SLCO2A1: variants seen among roughly 807,000 people sequenced by gnomAD.
The protein encoded by SLCO2A1 is matrin F/G 1.
Under a neutral mutation model 71.7 loss-of-function variants are expected in SLCO2A1, and 60 were observed. The ratio of observed to expected loss-of-function variants is 0.84; its 90% CI spans 0.68 to 1.04. The LOEUF (loss-of-function observed/expected upper bound fraction) is 1.04, where lower values mean the gene tolerates loss of function less well. Ranked by LOEUF, SLCO2A1 falls within the 50% of genes least tolerant of loss-of-function variation. The probability of loss-of-function intolerance (pLI) is 0.00; values close to 1 mark genes in which losing one functional copy is unlikely to be tolerated. For missense variants in SLCO2A1, 745 were observed against 813.4 expected (o/e 0.92, Z 1.02); for synonymous variants, 308 against 326.7 (o/e 0.94, Z 0.62).
chr3:133,989,321 C>T (rs1934785983), intron 1 of SLCO2A1, among the ~76,000 whole-genome samples: 1 of 152,198 alleles, frequency 6.6e-6, no homozygotes, highest in Admixed American at 6.5e-5. Context: ...TGTTTCATTC[C>T]TTTGGTACTT....
At chr3:134,004,092 TCGTGTGTGTGTGTGTG>T (rs1343864899) in intron 1 of SLCO2A1, among the ~76,000 whole-genome samples, 1 of 126,796 alleles carries the variant, frequency 7.9e-6, no homozygotes, top group Non-Finnish European at 1.6e-5. Flanking sequence ...ATGAATCTCT[TCGTGTGTGTGTGTGTG>T]TGTGTGTGTG....
chr3:133,978,779 C>T (rs554196236), intron 2 of SLCO2A1, among the ~76,000 whole-genome samples: 130 of 152,320 alleles, frequency 8.5e-4, no homozygotes, highest in African/African-American at 2.8e-3. Context: ...AGGGGTTCTG[C>T]TGCCTCCGCT....
intron 1 of SLCO2A1, among the ~76,000 whole-genome samples, chr3:134,020,576 G>A (rs1020866770): frequency 2.0e-5 from 3 of 152,230 alleles, no homozygotes; most frequent in South Asian, 2.1e-4. Flanking sequence ...GGTTTTCACC[G>A]GTCTGGACAT....
At chr3:134,014,451 C>G (rs932569652) in intron 1 of SLCO2A1, among the ~76,000 whole-genome samples, 2 of 152,188 alleles carry the variant, frequency 1.3e-5, no homozygotes, top group African/African-American at 2.4e-5. Context: ...TTCATCTCCA[C>G]CCCTGGGCAA....
intron 13 of SLCO2A1, 133 bp downstream of exon 13, chr3:133,935,641 G>A (rs1204988311): frequency 1.6e-5 from 17 of 1,050,444 alleles, no homozygotes; most frequent in Non-Finnish European, 1.3e-6. Flanking sequence ...CCATGGCAGG[G>A]CCGCAGAGGT....
chr3:133,982,316 A>G (rs1934613908), intron 1 of SLCO2A1, among the ~76,000 whole-genome samples: 1 of 151,696 alleles, frequency 6.6e-6, no homozygotes, highest in Non-Finnish European at 1.5e-5. Flanking sequence ...CTGCCTGTAG[A>G]CCCCTTCTCT....
chr3:133,938,329 G>T, intron 12 of SLCO2A1, 100 bp downstream of exon 12: 1 of 1,011,828 alleles, frequency 9.9e-7, no homozygotes, highest in Middle Eastern at 2.2e-4. Flanking sequence ...TCGCCATGGA[G>T]ATGAGATGGT....
At chr3:133,971,704 C>T (rs1186143323) in intron 3 of SLCO2A1, among the ~76,000 whole-genome samples, 1 of 152,202 alleles carries the variant, frequency 6.6e-6, no homozygotes, top group African/African-American at 2.4e-5. Flanking sequence ...CCTGGGGGCT[C>T]ATTTAACCTC....
chr3:133,958,904 C>T (rs997654419), intron 3 of SLCO2A1, among the ~76,000 whole-genome samples: 13 of 152,286 alleles, frequency 8.5e-5, no homozygotes, highest in Admixed American at 2.0e-4. Flanking sequence ...CCATTCCCCT[C>T]GGTGTGACAG....
intron 1 of SLCO2A1, among the ~76,000 whole-genome samples, chr3:133,980,762 C>A (rs960470272): frequency 3.9e-5 from 6 of 152,228 alleles, no homozygotes; most frequent in African/African-American, 7.2e-5. Flanking sequence ...AGGGCAGAAC[C>A]TTTGCGAGGC....
chr3:133,989,438 G>A (rs1022418038), intron 1 of SLCO2A1, among the ~76,000 whole-genome samples: 1 of 152,134 alleles, frequency 6.6e-6, no homozygotes, highest in African/African-American at 2.4e-5. Flanking sequence ...CCTCTCTTGG[G>A]AAGAAGCATA....
At chr3:133,964,409 G>A (rs992574037) in intron 3 of SLCO2A1, among the ~76,000 whole-genome samples, 1 of 152,198 alleles carries the variant, frequency 6.6e-6, no homozygotes, top group Non-Finnish European at 1.5e-5. Flanking sequence ...CCAAAGAGAT[G>A]AGTAACTGTG....
At chr3:133,945,930 G>A (rs748519174) in intron 9 of SLCO2A1, among the ~76,000 whole-genome samples, 14 of 152,162 alleles carry the variant, frequency 9.2e-5, no homozygotes, top group Non-Finnish European at 2.9e-5. Context: ...TCATCACAAC[G>A]AGTCTACAGT....
chr3:133,941,373 G>A (rs1331676064), intron 11 of SLCO2A1, among the ~76,000 whole-genome samples: 2 of 152,068 alleles, frequency 1.3e-5, no homozygotes, highest in Non-Finnish European at 2.9e-5. Flanking sequence ...CCAACCCTTT[G>A]AGTTCGATAT....
rs540476284 is a variant in SLCO2A1 at position 133,938,294 on chromosome 3, G to A, written c.1690+135C>T. On this transcript the variant is annotated intron_variant, in intron 12 of 13. Transcript: ENST00000310926. ...ACCGTCCACATGGATTTTGGCATCT[G>A]CTGTTGATTATGCACAGCTTCTCTT... 106 of 795,204 alleles carry A rather than the reference G, an allele frequency of 1.3e-4. No homozygotes were observed. The African/African-American group carries it at 1.6e-3, about 12-fold the overall frequency. 49.3% of individuals were successfully genotyped at this position (795,204 alleles called of 1,614,324 possible).
intron 1 of SLCO2A1, among the ~76,000 whole-genome samples, chr3:134,011,921 C>T (rs561740860): frequency 2.0e-5 from 3 of 152,142 alleles, no homozygotes; most frequent in South Asian, 2.1e-4. Context: ...TGAGAGATGA[C>T]GTGGGCACAG....
At chr3:134,012,243 T>C (rs1935360528) in intron 1 of SLCO2A1, among the ~76,000 whole-genome samples, 1 of 152,150 alleles carries the variant, frequency 6.6e-6, no homozygotes, top group African/African-American at 2.4e-5. Context: ...TAGAGGGGCT[T>C]CTGGGAGAGG....
At chr3:133,942,891 G>A in intron 10 of SLCO2A1, 123 bp from the exon 11 acceptor site, 6 of 1,053,562 alleles carry the variant, frequency 5.7e-6, no homozygotes, top group Non-Finnish European at 7.8e-6. Flanking sequence ...CTCTGGGTCT[G>A]GTTCCCAGGG....
chr3:134,015,977 AC>A lies in SLCO2A1; in HGVS notation c.96+13729del, dbSNP rs567923298. Reference sequence around the variant, plus strand: ...CAACTGGATAGCAATAGGTAAAAAAACAAAACAAAACAAAACAAACAAAAAA... The same window carrying A: ...CAACTGGATAGCAATAGGTAAAAAAAAAAACAAAACAAAACAAACAAAAAA... On this transcript the variant is annotated intron_variant, in intron 1 of 13. Coordinates refer to ENST00000310926, the MANE Select transcript of SLCO2A1 (RefSeq NM_005630.3). 2.8e-4 allele frequency among the ~76,000 whole-genome samples: 42 copies of A among 152,310 alleles called. 1 individual carries two copies. The South Asian group carries it at 8.5e-3, about 31-fold the overall frequency.
Sources: allele counts gnomAD v4.1 joint callset (sites outside exome capture counted in the v4.1 genomes callset), GRCh38; gene constraint gnomAD v4.1.1; transcripts MANE v1.5; gene names NCBI Gene and HGNC (gene_info 2026-07-23, HGNC 2026-07-21).